Variants in KAZN observed in about 807,000 individuals in gnomAD.
KAZN encodes the protein kazrin.
A neutral mutation model predicts 87.4 loss-of-function variants in KAZN; 40 were observed. That is an observed-to-expected ratio of 0.46 (90% CI 0.36 to 0.60). The LOEUF is 0.60. Ranked by LOEUF, KAZN falls within the 20% of genes least tolerant of loss-of-function variation. The pLI, the probability that KAZN is intolerant of heterozygous loss-of-function variation, is 0.00. For synonymous variants in KAZN, 466 were observed against 458.3 expected, an observed-to-expected ratio of 1.02 and a Z score of -0.22; for missense variants, 898 against 1,073.9, an observed-to-expected ratio of 0.84 and a Z score of 2.29.
chr1:13,984,133 C>G (rs12126022), intron 1 of KAZN, among the ~76,000 whole-genome samples: 13,930 of 152,144 alleles, frequency 0.092, 815 homozygotes, highest in South Asian at 0.17. Flanking sequence ...GCCTCAGCCT[C>G]CCCAGTAGCT....
chr1:14,867,887 G>C (rs1651667371), intron 1 of KAZN, among the ~76,000 whole-genome samples: 1 of 152,270 alleles, frequency 6.6e-6, no homozygotes, highest in South Asian at 2.1e-4. Context: ...GATAGGTGGA[G>C]AGGAGACAGA....
At chr1:15,101,422 C>T (rs1641063982) in intron 10 of KAZN, 121 bp from the exon 11 acceptor site, 1 of 682,116 alleles carries the variant, frequency 1.5e-6, no homozygotes, top group African/African-American at 1.8e-5. Context: ...CTGTGGCTCT[C>T]TTGGTCCTCC....
At chr1:15,055,243 G>A (rs933476963) in intron 4 of KAZN, among the ~76,000 whole-genome samples, 6 of 152,188 alleles carry the variant, frequency 3.9e-5, no homozygotes, top group Non-Finnish European at 8.8e-5. Context: ...TTGGGAGGCC[G>A]AGGCAGGTGG....
chr1:14,143,254 C>A (rs1029140064), intron 1 of KAZN, among the ~76,000 whole-genome samples: 2 of 152,112 alleles, frequency 1.3e-5, no homozygotes, highest in African/African-American at 2.4e-5. Flanking sequence ...TTTCTGTATA[C>A]CTAGGCATAC....
intron 1 of KAZN, among the ~76,000 whole-genome samples, chr1:14,077,904 T>G (rs1014055795): frequency 6.6e-6 from 1 of 152,006 alleles, no homozygotes; most frequent in Non-Finnish European, 1.5e-5. Context: ...TGCCAAGAGT[T>G]GCCGGCAGCC....
intron 2 of KAZN, among the ~76,000 whole-genome samples, chr1:15,011,251 C>A (rs1384789292): frequency 6.6e-6 from 1 of 152,180 alleles, no homozygotes; most frequent in East Asian, 1.9e-4. Context: ...AGGTGCTGCA[C>A]CCAAAAGCAA....
intron 1 of KAZN, among the ~76,000 whole-genome samples, chr1:14,893,374 A>C (rs2101181457): frequency 6.6e-6 from 1 of 152,298 alleles, no homozygotes; most frequent in South Asian, 2.1e-4. Context: ...TCAAAAAAAA[A>C]GAAAAAGAAA....
At chr1:14,308,248 T>C (rs1162374942) in intron 2 of KAZN, among the ~76,000 whole-genome samples, 1 of 152,162 alleles carries the variant, frequency 6.6e-6, no homozygotes, top group Non-Finnish European at 1.5e-5. Flanking sequence ...AATTTGAATA[T>C]GGACTGTGAG....
At chr1:14,134,546 G>A (rs1645063056) in intron 1 of KAZN, among the ~76,000 whole-genome samples, 1 of 152,186 alleles carries the variant, frequency 6.6e-6, no homozygotes, top group Admixed American at 6.5e-5. Context: ...CAGGGCAGGT[G>A]CTCTTGGCTA....
intron 1 of KAZN, among the ~76,000 whole-genome samples, chr1:13,967,625 C>T (rs749301738): frequency 6.6e-5 from 10 of 152,204 alleles, no homozygotes; most frequent in African/African-American, 2.2e-4. Context: ...AATGATAGTG[C>T]GTTGCCTCTG....
chr1:14,650,076 A>G (rs1638264314), intron 1 of KAZN, among the ~76,000 whole-genome samples: 1 of 146,016 alleles, frequency 6.8e-6, no homozygotes, highest in South Asian at 2.2e-4. Flanking sequence ...AGGAAACTAA[A>G]GCCCAGAGAA....
intron 2 of KAZN, among the ~76,000 whole-genome samples, chr1:14,440,158 T>C (rs1280526874): frequency 6.6e-6 from 1 of 152,224 alleles, no homozygotes; most frequent in Non-Finnish European, 1.5e-5. Context: ...CCCCAGCACT[T>C]TAAAGAATTC....
chr1:14,531,003 G>C (rs1672178154), intron 2 of KAZN, among the ~76,000 whole-genome samples: 1 of 152,152 alleles, frequency 6.6e-6, no homozygotes, highest in Non-Finnish European at 1.5e-5. Context: ...AGCCTGGGAG[G>C]TCTAGGCTGC....
chr1:15,030,041 T>C (rs1671530351), intron 2 of KAZN, among the ~76,000 whole-genome samples: 2 of 152,106 alleles, frequency 1.3e-5, no homozygotes, highest in African/African-American at 4.8e-5. Flanking sequence ...AGGTACCCAT[T>C]CCACCCCAGC....
chr1:14,870,051 A>G (rs1252200872), intron 1 of KAZN, among the ~76,000 whole-genome samples: 2 of 152,206 alleles, frequency 1.3e-5, no homozygotes, highest in Non-Finnish European at 2.9e-5. Flanking sequence ...CAATGAGATG[A>G]AAAACTCAGG....
chr1:14,520,960 G>T (rs568132177), intron 2 of KAZN, among the ~76,000 whole-genome samples: 1 of 152,306 alleles, frequency 6.6e-6, no homozygotes, highest in South Asian at 2.1e-4. Flanking sequence ...TGGGAAGAAG[G>T]CCCATGAGAG....
rs144302459 is a variant in KAZN at position 15,093,704 on chromosome 1, C to G, written c.1223-476C>G. Among the ~76,000 whole-genome samples, 463 of 152,280 alleles carry G rather than the reference C, an allele frequency of 3.0e-3. 2 individuals carry two copies. The highest frequency in any genetic ancestry group is 0.011 in the African/African-American group (447 of 41,552). The stretch of plus-strand genomic sequence containing the variant: ...TGAATACTGTGTAAAGATAAGCTAT[C>G]CATTTACATTGCCATGGTGAATTTT... On this transcript the variant is annotated intron_variant, in intron 8 of 14. Coordinates refer to ENST00000376030, the MANE Select transcript of KAZN (RefSeq NM_201628.3).
chr1:14,466,691 A>C (rs375417203), intron 2 of KAZN, among the ~76,000 whole-genome samples: 76 of 151,314 alleles, frequency 5.0e-4, no homozygotes, highest in Non-Finnish European at 9.0e-4. Context: ...AGAAACGGCC[A>C]GGCGCGGTGG....
At chr1:14,509,006 G>C (rs1250286378) in intron 2 of KAZN, among the ~76,000 whole-genome samples, 1 of 152,186 alleles carries the variant, frequency 6.6e-6, no homozygotes, top group Non-Finnish European at 1.5e-5. Context: ...TGGAACCAGT[G>C]GAAATTTAGT....
Sources: allele counts gnomAD v4.1 joint callset (sites outside exome capture counted in the v4.1 genomes callset), GRCh38; gene constraint gnomAD v4.1.1; transcripts MANE v1.5; gene names NCBI Gene and HGNC (gene_info 2026-07-23, HGNC 2026-07-21).